The following TRAPPC8 variants were observed in gnomAD, a reference collection of about 807,000 sequenced individuals.
TRAPPC8 encodes the protein general sporulation gene 1 homolog.
TRAPPC8 carries 54 observed loss-of-function variants against 174.3 expected under a neutral mutation model. The ratio of observed to expected loss-of-function variants is 0.31; its 90% CI spans 0.25 to 0.39. The LOEUF (loss-of-function observed/expected upper bound fraction) is 0.39. Ranked by LOEUF, TRAPPC8 falls within the 10% of genes least tolerant of loss-of-function variation. The pLI, the probability that TRAPPC8 is intolerant of heterozygous loss-of-function variation, is 1.00. For synonymous variants in TRAPPC8, 630 were observed against 579.9 expected (o/e 1.09, Z -1.24); for missense variants, 1,531 against 1,699.1 (o/e 0.90, Z 1.74).
chr18:31,830,923 A>G lies in TRAPPC8; in HGVS notation c.4140T>C (p.Leu1380=), dbSNP rs755650456. Residue 1380 remains leucine, a synonymous_variant, in exon 29 of 29, where the codon CTT becomes CTC. Transcript: ENST00000283351. ...GCAGACTGTGAATCTCCTGGCTTTT[A>G]AGTTGAAGTTTATACTGTGTTTGTC... is the stretch of plus-strand genomic sequence containing the variant. ...WLGQTQYKLQ[L]KSQEIHSLQL... 1.2e-6 allele frequency: 2 copies of G among 1,614,194 alleles called. No homozygotes were observed. Among genetic ancestry groups the G allele is most frequent in the Non-Finnish European group, 1.7e-6 (2 of 1,180,032 alleles).
intron 26 of TRAPPC8, among the ~76,000 whole-genome samples, chr18:31,841,230 C>G (rs1184501335): frequency 6.6e-6 from 1 of 151,946 alleles, no homozygotes; most frequent in East Asian, 1.9e-4. Flanking sequence ...AAAAGTGGCC[C>G]TGAGGAGAGA....
chr18:31,847,936 T>C (rs1163083260), intron 25 of TRAPPC8, among the ~76,000 whole-genome samples: 1 of 152,110 alleles, frequency 6.6e-6, no homozygotes, highest in African/African-American at 2.4e-5. Context: ...TCAACTGTTT[T>C]TCTTCACAAA....
chr18:31,876,901 A>G (rs1598650967), intron 12 of TRAPPC8, among the ~76,000 whole-genome samples: 1 of 152,266 alleles, frequency 6.6e-6, no homozygotes, highest in East Asian at 1.9e-4. Flanking sequence ...TCAGGCCTGA[A>G]CTGAGACAGG....
At chr18:31,893,614 C>G (rs1379195102) in intron 11 of TRAPPC8, among the ~76,000 whole-genome samples, 2 of 152,008 alleles carry the variant, frequency 1.3e-5, no homozygotes, top group African/African-American at 2.4e-5. Flanking sequence ...ATTCTCATTC[C>G]AGCCCATTAA....
chr18:31,932,951 T>C (rs1294638409), intron 1 of TRAPPC8, among the ~76,000 whole-genome samples: 3 of 140,632 alleles, frequency 2.1e-5, no homozygotes, highest in Non-Finnish European at 4.5e-5. Context: ...TGAGCCAAGA[T>C]TGCGCCACTG....
In TRAPPC8 at chr18:31,916,778, C is replaced by T. The variant is rs12968359; in HGVS notation, c.443-332G>A. On this transcript the variant is annotated intron_variant, in intron 3 of 28. Coordinates refer to ENST00000283351, the MANE Select transcript of TRAPPC8 (RefSeq NM_014939.5). ...TGAACTCCTGACCTCAGGTAACCCG[C>T]CCGCCTCAGCCTCCCAAAGTGCTAG... Among the ~76,000 whole-genome samples, 8 of 151,768 alleles carry T rather than the reference C, an allele frequency of 5.3e-5. No homozygotes were observed. In the East Asian group the frequency reaches 1.6e-3, roughly 29 times the overall value.
chr18:31,837,501 T>C (rs535251004), intron 27 of TRAPPC8, among the ~76,000 whole-genome samples: 1 of 152,282 alleles, frequency 6.6e-6, no homozygotes, highest in East Asian at 1.9e-4. Flanking sequence ...AAGACCAGCC[T>C]GGCCAACATG....
rs2034082988 is a variant in TRAPPC8 at position 31,857,484 on chromosome 18, T to A, written c.3188+56A>T. 8 of 1,342,382 alleles carry A rather than the reference T, an allele frequency of 6.0e-6. No homozygotes were observed. In the Middle Eastern group the frequency reaches 8.2e-4, roughly 137 times the overall value. 83.2% of individuals were successfully genotyped at this position (1,342,382 alleles called of 1,614,324 possible). ...GTAAATATCAAAATGTTTATCTGAA[T>A]ATGTGCATATACATTGAACATAGAT... On this transcript the variant is annotated intron_variant, in intron 20 of 28. Transcript: ENST00000283351.
In TRAPPC8 at chr18:31,849,662, G is replaced by A. The variant is rs2033603562; in HGVS notation, c.3639C>T (p.His1213=). ...LSSELKKPQA[H]LPVHTEKQST... Reference sequence around the variant, plus strand: ...ACTGTTTTTCTGTATGCACAGGCAAGTGAGCTTGTGGTTTTTTCAATTCAG... The same window carrying A: ...ACTGTTTTTCTGTATGCACAGGCAAATGAGCTTGTGGTTTTTTCAATTCAG... The change falls in exon 25 of 29, where the codon CAC becomes CAT. Residue 1213 remains histidine (H), a synonymous_variant. Coordinates refer to ENST00000283351, the MANE Select transcript of TRAPPC8 (RefSeq NM_014939.5). The A allele has an allele frequency of 4.3e-6, 7 of 1,613,088 alleles. No homozygotes were observed. The highest frequency in any genetic ancestry group is 5.9e-6 in the Non-Finnish European group (7 of 1,179,552).
At chr18:31,842,177 T>C (rs1260089366) in intron 26 of TRAPPC8, among the ~76,000 whole-genome samples, 1 of 152,236 alleles carries the variant, frequency 6.6e-6, no homozygotes, top group African/African-American at 2.4e-5. Flanking sequence ...ACACTTATAT[T>C]GGTGATTTTA....
intron 27 of TRAPPC8, among the ~76,000 whole-genome samples, chr18:31,833,897 G>A (rs901195879): frequency 6.6e-6 from 1 of 151,010 alleles, no homozygotes; most frequent in African/African-American, 2.4e-5. Flanking sequence ...AGTTACTCGG[G>A]AGGCTGAGGC....
Position 31,870,932 on chromosome 18 carries a change from C to A in TRAPPC8, c.2251G>T (p.Val751Leu). The A allele has an allele frequency of 6.4e-7, 1 of 1,562,284 alleles. No individual in the cohort carries two copies. The highest frequency in any genetic ancestry group is 2.3e-5 in the East Asian group (1 of 43,604). The change falls in exon 15 of 29, where the codon GTA becomes TTA. Residue 751 changes from valine (V) to leucine (L), a missense_variant. Physicochemically the swap from Val to Leu is conservative, Grantham distance 32. Transcript: ENST00000283351. ...AAAAATTCAAGTATATCACCTTCTA[C>A]AACTGCAAGTGGAAATCTTGAATTA... Reference protein sequence around the residue: ...SDNSRFPLAVVEEPITVEVAF... With the variant: ...SDNSRFPLAVLEEPITVEVAF...
intron 12 of TRAPPC8, among the ~76,000 whole-genome samples, chr18:31,885,132 T>C (rs1459749449): frequency 1.3e-5 from 2 of 152,246 alleles, no homozygotes; most frequent in South Asian, 2.1e-4. Context: ...GCTGGGATTA[T>C]AGGCGTGAGC....
chr18:31,873,814 T>C (rs1207772835), intron 13 of TRAPPC8: 10 of 286,950 alleles, frequency 3.5e-5, no homozygotes, highest in African/African-American at 2.2e-4. Flanking sequence ...GTTTTACTTC[T>C]TATGACTCAT....
chr18:31,864,001 C>T (rs28654480), intron 19 of TRAPPC8, among the ~76,000 whole-genome samples: 36,785 of 146,672 alleles, frequency 0.25, 5,151 homozygotes, highest in South Asian at 0.52. Context: ...TATTATAATA[C>T]TTTATTATAA....
Position 31,874,661 on chromosome 18 carries a change from T to C in TRAPPC8, c.1772A>G (p.Tyr591Cys). 2 of 1,614,032 alleles carry C rather than the reference T, an allele frequency of 1.2e-6. No individual in the cohort carries two copies. Among genetic ancestry groups the C allele is most frequent in the Non-Finnish European group, 8.5e-7 (1 of 1,179,994 alleles). The change falls in exon 13 of 29, where the codon TAC (tyrosine) becomes TGC (cysteine). Residue 591 changes from tyrosine (Y) to cysteine (C), a missense_variant. Physicochemically the swap from Tyr to Cys is radical, Grantham distance 194 (BLOSUM62 -2). Coordinates refer to ENST00000283351, the MANE Select transcript of TRAPPC8 (RefSeq NM_014939.5). ...TGCAAGAGACCAGCCTTTTCCTTTG[T>C]AAACTTGCATGGCTTGACAATAACA... is the stretch of plus-strand genomic sequence containing the variant. ...LRCYCQAMQVYKGKGWSLAED... is the reference protein window; with the variant it reads ...LRCYCQAMQVCKGKGWSLAED...
chr18:31,908,707 T>C (rs2036771318), intron 7 of TRAPPC8, 47 bp downstream of exon 7: 1 of 1,453,464 alleles, frequency 6.9e-7, no homozygotes, highest in African/African-American at 1.4e-5. Flanking sequence ...TTAAATTTAC[T>C]ATTTACTTAA....
intron 19 of TRAPPC8, among the ~76,000 whole-genome samples, chr18:31,864,015 GTTA>G (rs925278319): frequency 2.4e-4 from 35 of 146,734 alleles, no homozygotes; most frequent in Middle Eastern, 3.6e-3. Context: ...ATTATAATAT[GTTA>G]TTATAATATG....
chr18:31,942,439 C>G (rs2038385948), intron 1 of TRAPPC8, 169 bp downstream of exon 1: 3 of 808,102 alleles, frequency 3.7e-6, no homozygotes, highest in Admixed American at 3.7e-5. Flanking sequence ...GACAACCTCA[C>G]GGTCCCTCCT....
Sources: gnomAD v4.1 joint callset for allele counts (sites outside exome capture counted in the v4.1 genomes callset) on GRCh38, gnomAD v4.1.1 for gene constraint, MANE v1.5 for transcripts, NCBI Gene and HGNC (gene_info 2026-07-23, HGNC 2026-07-21) for gene names.